C10orf67: variants seen among roughly 807,000 people sequenced by gnomAD.
C10orf67 encodes the protein chromosome 10 open reading frame 67.
A neutral mutation model predicts 35.6 loss-of-function variants in C10orf67; 60 were observed. The observed-to-expected ratio is 1.68, with a 90% CI of 1.37 to 2.09. C10orf67 has a LOEUF of 2.09. Ranked by LOEUF, C10orf67 falls within the 30% of genes most tolerant of loss-of-function variation. The pLI is 0.00. For synonymous variants in C10orf67, 167 were observed against 115.8 expected (o/e 1.44, Z -2.84); for missense variants, 474 against 330.2 (o/e 1.44, Z -3.38).
chr10:23,211,146 A>G (rs531644657), intron 15 of C10orf67, among the ~76,000 whole-genome samples: 1 of 152,118 alleles, frequency 6.6e-6, no homozygotes, highest in Admixed American at 6.5e-5. Context: ...TGAAATTTGT[A>G]GGGCCATGCT....
chr10:23,327,874 T>C (rs980585821), intron 2 of C10orf67, among the ~76,000 whole-genome samples: 3 of 151,710 alleles, frequency 2.0e-5, no homozygotes, highest in Admixed American at 2.0e-4. Context: ...TGACAAAGAC[T>C]GACCTCACAC....
intron 13 of C10orf67, among the ~76,000 whole-genome samples, chr10:23,236,252 GGAAAAAAAA>G (rs1564465773): frequency 3.8e-4 from 31 of 81,556 alleles, no homozygotes; most frequent in African/African-American, 2.9e-3. Flanking sequence ...CCCTCTCGGG[GGAAAAAAAA>G]AAAAAAAAAA....
chr10:23,296,090 C>A lies in C10orf67; in HGVS notation c.703-4811G>T, dbSNP rs1318888680. Reference sequence around the variant, plus strand: ...CATAAATTGTATTCAAAGGCATGAGCAACCCATAAGTGTTTCTTCCTAGTG... The same window carrying A: ...CATAAATTGTATTCAAAGGCATGAGAAACCCATAAGTGTTTCTTCCTAGTG... On this transcript the variant is annotated intron_variant, in intron 5 of 15. Transcript: ENST00000636213. 2.6e-5 allele frequency among the ~76,000 whole-genome samples: 4 copies of A among 152,166 alleles called. No individual in the cohort carries two copies. In the East Asian group the frequency reaches 5.8e-4, roughly 22 times the overall value.
chr10:23,229,822 A>T (rs1284047394), intron 13 of C10orf67, among the ~76,000 whole-genome samples: 1 of 152,182 alleles, frequency 6.6e-6, no homozygotes, highest in Admixed American at 6.6e-5. Context: ...ATAAAACTCT[A>T]TTGAAATAAT....
chr10:23,206,809 C>T (rs185165742), intron 15 of C10orf67, among the ~76,000 whole-genome samples: 41 of 152,266 alleles, frequency 2.7e-4, no homozygotes, highest in African/African-American at 9.4e-4. Context: ...TAAAGAGTCA[C>T]TAGTTACATG....
In C10orf67 at chr10:23,322,460, C is replaced by A; in HGVS notation, c.405G>T (p.Glu135Asp). ...LQLKFEDRLK[E>D]ESLSLFTILH... is the part of the protein sequence containing the mutation. ...GAATGGTGAAGAGACTCAAAGATTC[C>A]TCTTTCAGTCGGTCCTCAAACTTCA... Residue 135 changes from glutamate to aspartate, a missense_variant, in exon 3 of 16, where the codon GAG becomes GAT. Coordinates refer to ENST00000636213, the MANE Select transcript of C10orf67 (RefSeq NM_001371909.1). The A allele has an allele frequency of 3.7e-6, 6 of 1,610,010 alleles. No homozygotes were observed. The highest frequency in any genetic ancestry group is 5.1e-6 in the Non-Finnish European group (6 of 1,176,308).
chr10:23,218,201 G>A (rs778470217), intron 15 of C10orf67, among the ~76,000 whole-genome samples: 7 of 152,050 alleles, frequency 4.6e-5, no homozygotes, highest in Non-Finnish European at 8.8e-5. Context: ...GTGCAGTGGC[G>A]CCATCATGGC....
At chr10:23,271,553 T>C (rs1447978604) in intron 8 of C10orf67, among the ~76,000 whole-genome samples, 1 of 152,198 alleles carries the variant, frequency 6.6e-6, no homozygotes, top group Non-Finnish European at 1.5e-5. Flanking sequence ...AGAATAAGAG[T>C]TCTAGTTGCT....
At chr10:23,299,165 A>G (rs920611410) in intron 5 of C10orf67, among the ~76,000 whole-genome samples, 3 of 152,098 alleles carry the variant, frequency 2.0e-5, no homozygotes, top group African/African-American at 7.2e-5. Flanking sequence ...ACTCATTGAT[A>G]ATCCTGAGAT....
At position 23,252,935 on chromosome 10, in the gene C10orf67, C is replaced by T. The variant is rs149307941; in HGVS notation, c.1201-2244G>A. The stretch of plus-strand genomic sequence containing the variant: ...GACCTGGTGGGAGATGATTGAATCA[C>T]GGTGGCGGGTCTTTCCCATGTTGTT... On this transcript the variant is annotated intron_variant, in intron 10 of 15. Coordinates refer to ENST00000636213, the MANE Select transcript of C10orf67 (RefSeq NM_001371909.1). 1.6e-3 allele frequency among the ~76,000 whole-genome samples: 237 copies of T among 151,596 alleles called. 1 individual carries two copies. Among genetic ancestry groups the T allele is most frequent in the South Asian group, 5.0e-3 (24 of 4,814 alleles).
chr10:23,277,419 G>T (rs1037087655), intron 8 of C10orf67, among the ~76,000 whole-genome samples: 1 of 151,920 alleles, frequency 6.6e-6, no homozygotes, highest in Non-Finnish European at 1.5e-5. Flanking sequence ...CGGACATCTT[G>T]GTGCATGGCT....
chr10:23,224,096 C>G (rs554465254), intron 13 of C10orf67, among the ~76,000 whole-genome samples: 1 of 152,286 alleles, frequency 6.6e-6, no homozygotes, highest in Non-Finnish European at 1.5e-5. Context: ...TTGAGACTTA[C>G]TACTTGCAAC....
chr10:23,209,050 G>A (rs189161297), intron 15 of C10orf67, among the ~76,000 whole-genome samples: 1 of 151,934 alleles, frequency 6.6e-6, no homozygotes, highest in African/African-American at 2.4e-5. Flanking sequence ...ATGTGTACAG[G>A]CACAGGTGCT....
intron 13 of C10orf67, among the ~76,000 whole-genome samples, chr10:23,229,840 C>G (rs1666627211): frequency 6.6e-6 from 1 of 152,022 alleles, no homozygotes; most frequent in South Asian, 2.1e-4. Context: ...AATACCTAAA[C>G]AAAATATATA....
At chr10:23,267,830 G>C (rs1036411498) in intron 8 of C10orf67, among the ~76,000 whole-genome samples, 1 of 151,990 alleles carries the variant, frequency 6.6e-6, no homozygotes, top group Admixed American at 6.6e-5. Context: ...CTACCCAGGA[G>C]GCAGAGGTTG....
chr10:23,255,441 C>T (rs950371085), intron 10 of C10orf67, among the ~76,000 whole-genome samples: 1 of 152,158 alleles, frequency 6.6e-6, no homozygotes, highest in Non-Finnish European at 1.5e-5. Context: ...AGGATTTAGG[C>T]TGATCCAGGC....
chr10:23,339,482 G>T (rs985908534), intron 1 of C10orf67, among the ~76,000 whole-genome samples: 2 of 151,404 alleles, frequency 1.3e-5, no homozygotes, highest in African/African-American at 4.9e-5. Flanking sequence ...TCGCAGCTAG[G>T]TAAGGAACTT....
chr10:23,216,679 A>G (rs1841440696), intron 15 of C10orf67, among the ~76,000 whole-genome samples: 1 of 152,186 alleles, frequency 6.6e-6, no homozygotes, highest in African/African-American at 2.4e-5. Context: ...ACAGCAAAAT[A>G]CTGTAAATAA....
chr10:23,234,979 T>A (rs1588600066), intron 13 of C10orf67, among the ~76,000 whole-genome samples: 1 of 119,126 alleles, frequency 8.4e-6, no homozygotes, highest in Non-Finnish European at 1.6e-5. Context: ...ACCATTGCAC[T>A]CCAGCCTGAG....
Sources: allele counts gnomAD v4.1 joint callset (sites outside exome capture counted in the v4.1 genomes callset), GRCh38; gene constraint gnomAD v4.1.1; transcripts MANE v1.5; gene names NCBI Gene and HGNC (gene_info 2026-07-23, HGNC 2026-07-21).